The following NDUFA12 variants were observed in gnomAD, a reference collection of about 807,000 sequenced individuals.
NDUFA12 encodes the protein NADH dehydrogenase [ubiquinone] 1 alpha subcomplex subunit 12.
NDUFA12 carries 17 observed loss-of-function variants against 20.3 expected under a neutral mutation model. The observed-to-expected ratio is 0.84, with a 90% CI of 0.57 to 1.26. NDUFA12 has a LOEUF of 1.26. Among genes scored for constraint, NDUFA12 ranks in the 50% most tolerant of loss-of-function variants. NDUFA12 has a pLI of 0.00. For missense variants in NDUFA12, 191 were observed against 183.7 expected, an observed-to-expected ratio of 1.04 and a Z score of -0.23; for synonymous variants, 72 against 63.6, an observed-to-expected ratio of 1.13 and a Z score of -0.63.
intron 3 of NDUFA12, among the ~76,000 whole-genome samples, chr12:94,984,185 C>T (rs145264209): frequency 1.3e-5 from 2 of 152,090 alleles, no homozygotes; most frequent in Non-Finnish European, 2.9e-5. Context: ...GCTGGACTGC[C>T]GTCAGTGGTA....
chr12:94,981,082 T>G (rs546568273), intron 3 of NDUFA12, among the ~76,000 whole-genome samples: 1 of 151,614 alleles, frequency 6.6e-6, no homozygotes, highest in African/African-American at 2.4e-5. Context: ...AAATTGGCAT[T>G]GAACAAAATA....
In NDUFA12 at chr12:94,996,324, T is replaced by TACACACACACACAC. The variant is rs71075891; in HGVS notation, c.170-2081_170-2068dup. 5.8e-3 allele frequency among the ~76,000 whole-genome samples: 820 copies of TACACACACACACAC among 141,266 alleles called. 4 individuals are homozygous for TACACACACACACAC. The highest frequency in any genetic ancestry group is 9.9e-3 in the South Asian group (42 of 4,226). The allele number at this position is 141,266 out of a possible 152,430, so 92.7% of individuals were successfully genotyped here. ...ATATATAAATACATACATATATAGG[T>TACACACACACACAC]ACACACACACACACACACACACACA... On this transcript the variant is annotated intron_variant, in intron 2 of 3. Transcript: ENST00000327772.
chr12:94,990,423 A>G (rs1874600208), intron 3 of NDUFA12, among the ~76,000 whole-genome samples: 3 of 152,046 alleles, frequency 2.0e-5, no homozygotes, highest in Non-Finnish European at 4.4e-5. Context: ...GTAAGAACCA[A>G]AGAGCTTTTT....
At chr12:94,992,839 T>C (rs1054695191) in intron 3 of NDUFA12, among the ~76,000 whole-genome samples, 9 of 152,072 alleles carry the variant, frequency 5.9e-5, no homozygotes, top group African/African-American at 1.2e-4. Context: ...ATCAGACATC[T>C]AGGAGCAGAG....
At chr12:94,972,549 T>A (rs567750823) in intron 3 of NDUFA12, 1 of 412,704 alleles carries the variant, frequency 2.4e-6, no homozygotes, top group Admixed American at 2.6e-5. Context: ...CACTAGAGAA[T>A]ATGCAACTTG....
Position 94,988,150 on chromosome 12 carries a change from G to A in NDUFA12, c.257+6020C>T, listed in dbSNP as rs544634051. Reference sequence around the variant, plus strand: ...ATCCCTTATGAGGGCTCCACATCACGGAACTCTTATATTAAATAAATTTGT... The same window carrying A: ...ATCCCTTATGAGGGCTCCACATCACAGAACTCTTATATTAAATAAATTTGT... On this transcript the variant is annotated intron_variant, in intron 3 of 3. Coordinates refer to ENST00000327772, the MANE Select transcript of NDUFA12 (RefSeq NM_018838.5). 8.5e-5 allele frequency among the ~76,000 whole-genome samples: 13 copies of A among 152,166 alleles called. 1 individual carries two copies. The highest frequency in any genetic ancestry group is 5.9e-4 in the Admixed American group (9 of 15,282).
At chr12:94,974,867 T>C (rs1160490857) in intron 3 of NDUFA12, among the ~76,000 whole-genome samples, 1 of 151,954 alleles carries the variant, frequency 6.6e-6, no homozygotes, top group Non-Finnish European at 1.5e-5. Flanking sequence ...TGGGGTTGGT[T>C]TGGGGATTAG....
intron 2 of NDUFA12, among the ~76,000 whole-genome samples, chr12:94,995,188 G>A (rs1874780353): frequency 6.6e-6 from 1 of 152,066 alleles, no homozygotes; most frequent in Non-Finnish European, 1.5e-5. Flanking sequence ...GTTTTCCCAG[G>A]TAAACATATA....
intron 3 of NDUFA12, among the ~76,000 whole-genome samples, chr12:94,978,502 T>C (rs977230585): frequency 1.3e-5 from 2 of 152,350 alleles, no homozygotes; most frequent in African/African-American, 4.8e-5. Flanking sequence ...AACATTTTGC[T>C]TGATAGGTTA....
At chr12:94,996,467 C>G (rs917884599) in intron 2 of NDUFA12, among the ~76,000 whole-genome samples, 3 of 151,658 alleles carry the variant, frequency 2.0e-5, no homozygotes, top group Non-Finnish European at 2.9e-5. Context: ...AGCCACCATG[C>G]CAGGCCCTAA....
At chr12:94,993,174 C>T (rs1565817964) in intron 3 of NDUFA12, among the ~76,000 whole-genome samples, 1 of 151,984 alleles carries the variant, frequency 6.6e-6, no homozygotes, top group East Asian at 1.9e-4. Context: ...GGCAACATAG[C>T]AAGATCCCAT....
intron 3 of NDUFA12, among the ~76,000 whole-genome samples, chr12:94,972,695 C>G (rs1013237188): frequency 6.6e-6 from 1 of 152,086 alleles, no homozygotes; most frequent in Non-Finnish European, 1.5e-5. Context: ...GAGACCCTGT[C>G]TTGAGAAAAA....
intron 3 of NDUFA12, among the ~76,000 whole-genome samples, chr12:94,985,133 G>A (rs1874382114): frequency 1.3e-5 from 2 of 151,940 alleles, no homozygotes; most frequent in African/African-American, 4.8e-5. Context: ...GACCTGCCTG[G>A]GTAACATAGG....
chr12:94,988,698 C>T (rs940556056), intron 3 of NDUFA12, among the ~76,000 whole-genome samples: 1 of 152,120 alleles, frequency 6.6e-6, no homozygotes, highest in African/African-American at 2.4e-5. Context: ...AGGGGCAGGC[C>T]GTCCAGGTAC....
chr12:94,988,249 T>G (rs1874518524), intron 3 of NDUFA12, among the ~76,000 whole-genome samples: 1 of 152,194 alleles, frequency 6.6e-6, no homozygotes, highest in Non-Finnish European at 1.5e-5. Flanking sequence ...AGGGTAAAAT[T>G]TTGCCTCCCT....
chr12:94,994,068 G>A (rs982552149), intron 3 of NDUFA12, 102 bp downstream of exon 3: 2 of 1,024,874 alleles, frequency 2.0e-6, no homozygotes, highest in African/African-American at 3.2e-5. Flanking sequence ...AAGCTGACAT[G>A]AGTCATGATC....
At chr12:95,002,690 A>G (rs771943584) in intron 2 of NDUFA12, 49 bp downstream of exon 2, 1 of 1,384,624 alleles carries the variant, frequency 7.2e-7, no homozygotes, top group Admixed American at 1.7e-5. Context: ...GACTCAAATC[A>G]AATCCCAATC....
chr12:95,002,902 A>G, intron 1 of NDUFA12, 81 bp from the exon 2 acceptor site: 1 of 1,178,234 alleles, frequency 8.5e-7, no homozygotes, highest in Admixed American at 1.7e-5. Flanking sequence ...GAGAGTAACA[A>G]CTTTCAGACA....
At chr12:94,984,760 T>C (rs1486466805) in intron 3 of NDUFA12, among the ~76,000 whole-genome samples, 3 of 123,582 alleles carry the variant, frequency 2.4e-5, no homozygotes, top group South Asian at 2.6e-4. Flanking sequence ...AATATATATA[T>C]ATGGAATTAA....
Sources: allele counts gnomAD v4.1 joint callset (sites outside exome capture counted in the v4.1 genomes callset), GRCh38; gene constraint gnomAD v4.1.1; transcripts MANE v1.5; gene names NCBI Gene and HGNC (gene_info 2026-07-23, HGNC 2026-07-21).